VTI1A: variants seen among roughly 807,000 people sequenced by gnomAD.
VTI1A encodes vesicle transport through interaction with t-SNAREs 1A.
In VTI1A, 22 loss-of-function variants were observed where a neutral mutation model predicts 34.9. The ratio of observed to expected loss-of-function variants is 0.63; its 90% CI spans 0.45 to 0.90. The LOEUF is 0.90. Among genes scored for constraint, VTI1A ranks in the 40% least tolerant of loss-of-function variants. VTI1A has a pLI of 0.00. For missense variants in VTI1A, 268 were observed against 275.6 expected, an observed-to-expected ratio of 0.97 and a Z score of 0.20; for synonymous variants, 87 against 97.3, an observed-to-expected ratio of 0.89 and a Z score of 0.62.
At chr10:112,551,564 G>A (rs1160018990) in intron 5 of VTI1A, among the ~76,000 whole-genome samples, 2 of 152,102 alleles carry the variant, frequency 1.3e-5, no homozygotes, top group African/African-American at 4.8e-5. Context: ...CATTTAGGAA[G>A]GAACAAATCC....
rs1851140336 is a variant in VTI1A, at chr10:112,752,573, C to T, written c.561-62717C>T. 5.1e-6 allele frequency: 5 copies of T among 985,274 alleles called. No homozygotes were observed. The South Asian group carries it at 1.4e-4, about 28-fold the overall frequency. The allele number at this position is 985,274 out of a possible 1,614,324, so 61.0% of individuals were successfully genotyped here. A position where few individuals can be genotyped will look rare whatever the true frequency, so the allele number is the denominator to read the frequency against. ...TCAGGGGGAACATGCTTTGGAAAAACGCCCACTTAATAAAATGTATTTTCT... is the reference window on the plus strand; with the variant it reads ...TCAGGGGGAACATGCTTTGGAAAAATGCCCACTTAATAAAATGTATTTTCT... On this transcript the variant is annotated intron_variant, in intron 7 of 7. Coordinates refer to ENST00000393077, the MANE Select transcript of VTI1A (RefSeq NM_145206.4).
At chr10:112,491,448 C>T (rs971179305) in intron 3 of VTI1A, among the ~76,000 whole-genome samples, 1 of 152,166 alleles carries the variant, frequency 6.6e-6, no homozygotes, top group African/African-American at 2.4e-5. Flanking sequence ...AGGTCATTTT[C>T]AGCTCTGAGA....
At position 112,815,940 on chromosome 10, in the gene VTI1A, G is replaced by A; in HGVS notation, c.*557G>A. The A allele has an allele frequency of 8.7e-6, 2 of 230,750 alleles. No homozygotes were observed. Among genetic ancestry groups the A allele is most frequent in the Non-Finnish European group, 1.7e-5 (2 of 116,602 alleles). The allele number at this position is 230,750 out of a possible 1,614,324, so 14.3% of individuals were successfully genotyped here. Reference sequence around the variant, plus strand: ...TAAAGGTCGGTATTTAATGTCGGTTGTACAGGAAATTGACTTAGCACTTTC... The same window carrying A: ...TAAAGGTCGGTATTTAATGTCGGTTATACAGGAAATTGACTTAGCACTTTC... On this transcript the variant is annotated 3_prime_UTR_variant, in exon 8 of 8. Coordinates refer to ENST00000393077, the MANE Select transcript of VTI1A (RefSeq NM_145206.4).
At chr10:112,848,962 G>T in the VTI1A span, among the ~76,000 whole-genome samples, 1 of 152,126 alleles carries the variant, frequency 6.6e-6, no homozygotes, top group Non-Finnish European at 1.5e-5. Context: ...TAAAAACAGA[G>T]GAGCAAAGCC....
chr10:112,652,416 C>CT (rs891044841), intron 5 of VTI1A, among the ~76,000 whole-genome samples: 2 of 152,152 alleles, frequency 1.3e-5, no homozygotes, highest in African/African-American at 4.8e-5. Flanking sequence ...ATTGAGGACT[C>CT]TGAGGGCAGA....
intron 5 of VTI1A, among the ~76,000 whole-genome samples, chr10:112,659,462 T>G (rs1367786680): frequency 6.6e-6 from 1 of 152,244 alleles, no homozygotes; most frequent in African/African-American, 2.4e-5. Flanking sequence ...AGAGCATCGT[T>G]ACTGGTAGCA....
At chr10:112,672,378 T>C (rs1033932340) in intron 7 of VTI1A, among the ~76,000 whole-genome samples, 4 of 152,196 alleles carry the variant, frequency 2.6e-5, no homozygotes, top group Non-Finnish European at 5.9e-5. Context: ...TTCAAAATTA[T>C]AATAGTAAAA....
At chr10:112,737,739 G>A in intron 7 of VTI1A, 1 of 1,059,038 alleles carries the variant, frequency 9.4e-7, no homozygotes, top group East Asian at 5.2e-5. Context: ...AAGCTCTCTG[G>A]CCGCCTTTCC....
intron 7 of VTI1A, among the ~76,000 whole-genome samples, chr10:112,761,602 C>T (rs551812211): frequency 6.6e-6 from 1 of 152,230 alleles, no homozygotes; most frequent in Non-Finnish European, 1.5e-5. Flanking sequence ...TTCTTAATGT[C>T]AATGCAATGT....
intron 2 of VTI1A, 115 bp from the exon 3 acceptor site, chr10:112,464,432 C>T (rs980153688): frequency 1.2e-6 from 1 of 852,772 alleles, no homozygotes. Flanking sequence ...GCACCCTGAA[C>T]CTGGTGCCTC....
chr10:112,652,645 T>TGGGC (rs1847077798), intron 5 of VTI1A, among the ~76,000 whole-genome samples: 1 of 148,360 alleles, frequency 6.7e-6, no homozygotes, highest in Non-Finnish European at 1.5e-5. Context: ...GATGATCACT[T>TGGGC]GGGCCCAAGA....
chr10:112,490,932 T>C lies in VTI1A; in HGVS notation c.264+26275T>C, dbSNP rs893929711. On this transcript the variant is annotated intron_variant, in intron 3 of 7. Transcript: ENST00000393077. ...TAGGAACACAAAGTATTATTTTCAT[T>C]GTGTTTCAACCCCCCTGCCCACCCT... Among the ~76,000 whole-genome samples, 6 of 152,250 alleles carry C rather than the reference T, an allele frequency of 3.9e-5. No individual in the cohort carries two copies. The East Asian group carries it at 1.2e-3, about 29-fold the overall frequency.
chr10:112,800,220 A>T (rs1275927146), intron 7 of VTI1A, among the ~76,000 whole-genome samples: 2 of 152,216 alleles, frequency 1.3e-5, no homozygotes, highest in African/African-American at 4.8e-5. Context: ...TTGGCCGTCA[A>T]CGAGTATCCC....
intron 4 of VTI1A, among the ~76,000 whole-genome samples, chr10:112,536,877 AATG>A (rs1162125778): frequency 6.6e-6 from 1 of 151,914 alleles, no homozygotes; most frequent in African/African-American, 2.4e-5. Flanking sequence ...TGTGAATGGT[AATG>A]ATAACATACT....
chr10:112,633,827 A>T (rs1846235621), intron 5 of VTI1A, among the ~76,000 whole-genome samples: 1 of 152,064 alleles, frequency 6.6e-6, no homozygotes. Flanking sequence ...TAATTTATTT[A>T]AATAGCATTA....
chr10:112,755,114 G>C (rs1564912945), intron 7 of VTI1A, among the ~76,000 whole-genome samples: 2 of 152,136 alleles, frequency 1.3e-5, no homozygotes, highest in Non-Finnish European at 2.9e-5. Context: ...AATTAGCCGG[G>C]CATGGTGGCA....
intron 5 of VTI1A, among the ~76,000 whole-genome samples, chr10:112,654,180 G>A (rs1475608099): frequency 1.3e-5 from 2 of 152,172 alleles, no homozygotes; most frequent in Non-Finnish European, 2.9e-5. Flanking sequence ...TCCTTCTAGG[G>A]TCACGCTAAT....
chr10:112,548,899 G>A, intron 5 of VTI1A: 1 of 1,126,078 alleles, frequency 8.9e-7, no homozygotes, highest in Non-Finnish European at 1.3e-6. Flanking sequence ...CATTTTAGAA[G>A]TTTCTTCACA....
intron 7 of VTI1A, among the ~76,000 whole-genome samples, chr10:112,718,119 A>G (rs185775799): frequency 6.6e-5 from 10 of 152,270 alleles, no homozygotes; most frequent in African/African-American, 2.2e-4. Flanking sequence ...CTGTTGCCCC[A>G]TCTTCTAGGA....
Sources: allele counts gnomAD v4.1 joint callset (sites outside exome capture counted in the v4.1 genomes callset), GRCh38; gene constraint gnomAD v4.1.1; transcripts MANE v1.5; gene names NCBI Gene and HGNC (gene_info 2026-07-23, HGNC 2026-07-21).